The following KDM4C variants were observed in gnomAD, a reference collection of about 807,000 sequenced individuals.
KDM4C encodes lysine demethylase 4C, also known as lysine-specific demethylase 4C.
A neutral mutation model predicts 129.3 loss-of-function variants in KDM4C; 81 were observed. That is an observed-to-expected ratio of 0.63 (90% CI 0.52 to 0.75). The LOEUF (loss-of-function observed/expected upper bound fraction) is 0.75, where lower values mean the gene tolerates loss of function less well. Among genes scored for constraint, KDM4C ranks in the 30% least tolerant of loss-of-function variants. KDM4C has a pLI of 0.00. For synonymous variants in KDM4C, 573 were observed against 456.1 expected (o/e 1.26, Z -3.26); for missense variants, 1,457 against 1,304.0 (o/e 1.12, Z -1.81).
At chr9:6,864,181 A>T (rs1470356269) in intron 5 of KDM4C, among the ~76,000 whole-genome samples, 1 of 152,080 alleles carries the variant, frequency 6.6e-6, no homozygotes, top group Non-Finnish European at 1.5e-5. Context: ...TTCTTGTAAG[A>T]TGGGTCTGGT....
intron 2 of KDM4C, among the ~76,000 whole-genome samples, chr9:6,802,952 A>G (rs1343452567): frequency 6.6e-6 from 1 of 152,268 alleles, no homozygotes; most frequent in African/African-American, 2.4e-5. Flanking sequence ...GAAGTATAAA[A>G]GATAAACCTC....
intron 16 of KDM4C, among the ~76,000 whole-genome samples, chr9:7,048,508 G>C (rs73639912): frequency 6.6e-6 from 1 of 152,198 alleles, no homozygotes; most frequent in African/African-American, 2.4e-5. Flanking sequence ...AGTGAAAAAA[G>C]TAGGAAACTA....
At chr9:7,003,921 C>T (rs1027571658) in intron 12 of KDM4C, among the ~76,000 whole-genome samples, 2 of 152,180 alleles carry the variant, frequency 1.3e-5, no homozygotes, top group East Asian at 1.9e-4. Context: ...CTACACCCCC[C>T]ATTCCCTGCA....
chr9:6,916,262 T>TG (rs1820292763), intron 8 of KDM4C, among the ~76,000 whole-genome samples: 2 of 152,058 alleles, frequency 1.3e-5, no homozygotes, highest in African/African-American at 4.8e-5. Flanking sequence ...TTCTGAGTGA[T>TG]GGGGAGCCTA....
chr9:6,844,193 G>GGATTTT (rs552928898), intron 4 of KDM4C, among the ~76,000 whole-genome samples: 141 of 152,100 alleles, frequency 9.3e-4, no homozygotes, highest in Middle Eastern at 3.4e-3. Context: ...TTATAACGTT[G>GGATTTT]GATTGAGTCT....
chr9:6,793,258 C>G, intron 2 of KDM4C, 126 bp downstream of exon 2: 1 of 851,908 alleles, frequency 1.2e-6, no homozygotes. Flanking sequence ...TCTCGTTAAT[C>G]CATGTGAAAC....
At chr9:6,958,967 ATAT>A (rs890221439) in intron 8 of KDM4C, among the ~76,000 whole-genome samples, 2 of 152,132 alleles carry the variant, frequency 1.3e-5, no homozygotes, top group African/African-American at 2.4e-5. Context: ...TGTTATGATA[ATAT>A]TATTAGAGCA....
At chr9:7,088,520 A>C (rs1027436506) in intron 17 of KDM4C, among the ~76,000 whole-genome samples, 1 of 152,218 alleles carries the variant, frequency 6.6e-6, no homozygotes, top group African/African-American at 2.4e-5. Context: ...GAAGTAGTCC[A>C]TGATTTGTAG....
At chr9:7,042,275 A>G (rs558644908) in intron 15 of KDM4C, among the ~76,000 whole-genome samples, 1 of 152,172 alleles carries the variant, frequency 6.6e-6, no homozygotes, top group Admixed American at 6.6e-5. Context: ...TCTGCATTAT[A>G]TTAAACATTG....
At chr9:7,111,534 A>T (rs10815518) in intron 18 of KDM4C, among the ~76,000 whole-genome samples, 66,449 of 151,960 alleles carry the variant, frequency 0.44, 14,889 homozygotes, top group East Asian at 0.75. Context: ...GCTGTAAGTT[A>T]TACAGGTAGT....
At chr9:6,792,662 C>T (rs763269576) in intron 1 of KDM4C, among the ~76,000 whole-genome samples, 8 of 152,140 alleles carry the variant, frequency 5.3e-5, no homozygotes, top group Non-Finnish European at 1.2e-4. Flanking sequence ...GCTGAGATTA[C>T]AGGCGTGAGC....
intron 17 of KDM4C, among the ~76,000 whole-genome samples, chr9:7,050,442 C>CCAAAAAAAAAAAAAA (rs1829987891): frequency 1.3e-5 from 1 of 78,278 alleles, no homozygotes; most frequent in Non-Finnish European, 2.6e-5. Context: ...CCCAGATTAC[C>CCAAAAAAAAAAAAAA]AAAAAAAAAA....
intron 5 of KDM4C, among the ~76,000 whole-genome samples, chr9:6,874,835 A>AT (rs971660220): frequency 1.3e-5 from 2 of 151,972 alleles, no homozygotes; most frequent in Non-Finnish European, 2.9e-5. Flanking sequence ...GTGGCCTGTA[A>AT]TCCCAGCACT....
At chr9:7,060,511 CTTGGT>C (rs1831494417) in intron 17 of KDM4C, among the ~76,000 whole-genome samples, 1 of 148,996 alleles carries the variant, frequency 6.7e-6, no homozygotes, top group Non-Finnish European at 1.5e-5. Context: ...GAGATGGAGT[CTTGGT>C]CTGTCACCAG....
chr9:6,832,474 G>A, intron 4 of KDM4C, among the ~76,000 whole-genome samples: 1 of 127,562 alleles, frequency 7.8e-6, no homozygotes. Context: ...CACCCAGGCT[G>A]GAGTGCAGTG....
At chr9:6,853,895 G>T (rs1162253065) in intron 5 of KDM4C, among the ~76,000 whole-genome samples, 1 of 152,134 alleles carries the variant, frequency 6.6e-6, no homozygotes, top group Non-Finnish European at 1.5e-5. Flanking sequence ...CTGCCAAATG[G>T]AGGCATGATT....
intron 15 of KDM4C, among the ~76,000 whole-genome samples, chr9:7,032,085 C>T (rs895558158): frequency 6.6e-6 from 1 of 152,242 alleles, no homozygotes; most frequent in Non-Finnish European, 1.5e-5. Flanking sequence ...GCTCCAACCC[C>T]TGTAACTCTG....
intron 8 of KDM4C, among the ~76,000 whole-genome samples, chr9:6,936,355 A>G (rs1824786819): frequency 6.6e-6 from 1 of 152,334 alleles, no homozygotes; most frequent in East Asian, 1.9e-4. Context: ...GGGCATGGGT[A>G]TACATGTATA....
At chr9:6,865,158 G>A (rs890140897) in intron 5 of KDM4C, among the ~76,000 whole-genome samples, 25 of 151,854 alleles carry the variant, frequency 1.6e-4, no homozygotes, top group East Asian at 5.8e-4. Flanking sequence ...GCAGGTGCCC[G>A]CCACCACACC....
Sources: allele counts gnomAD v4.1 joint callset (sites outside exome capture counted in the v4.1 genomes callset), GRCh38; gene constraint gnomAD v4.1.1; transcripts MANE v1.5; gene names NCBI Gene and HGNC (gene_info 2026-07-23, HGNC 2026-07-21).